The following B3GALT1 variants were observed in gnomAD, a reference collection of about 807,000 sequenced individuals.
B3GALT1 encodes the protein beta-1,3-galactosyltransferase 1.
Under a neutral mutation model 23.2 loss-of-function variants are expected in B3GALT1, and 10 were observed. The ratio of observed to expected loss-of-function variants is 0.43; its 90% confidence interval spans 0.27 to 0.73. B3GALT1 has a LOEUF of 0.73. Ranked by LOEUF, B3GALT1 falls within the 30% of genes least tolerant of loss-of-function variation. The pLI is 0.21. For missense variants in B3GALT1, 299 were observed against 405.4 expected (o/e 0.74, Z 2.25); for synonymous variants, 156 against 141.5 (o/e 1.10, Z -0.73).
chr2:167,783,319 G>A (rs568595844), intron 3 of B3GALT1, among the ~76,000 whole-genome samples: 3 of 152,038 alleles, frequency 2.0e-5, no homozygotes, highest in Non-Finnish European at 4.4e-5. Context: ...GTTTATCTTC[G>A]TGTTAACTAC....
chr2:167,766,119 A>G (rs1445423204), intron 3 of B3GALT1, among the ~76,000 whole-genome samples: 1 of 152,196 alleles, frequency 6.6e-6, no homozygotes, highest in Non-Finnish European at 1.5e-5. Context: ...TTTTCCAACT[A>G]CTTGGTTTTG....
chr2:167,676,714 A>T (rs1258621085), intron 3 of B3GALT1, among the ~76,000 whole-genome samples: 1 of 151,628 alleles, frequency 6.6e-6, no homozygotes, highest in Non-Finnish European at 1.5e-5. Flanking sequence ...GGCGCCCACC[A>T]CCAGTAGAGA....
chr2:167,501,613 T>C (rs916169849), intron 2 of B3GALT1, among the ~76,000 whole-genome samples: 1 of 151,524 alleles, frequency 6.6e-6, no homozygotes, highest in Non-Finnish European at 1.5e-5. Flanking sequence ...ATTAGACTTC[T>C]AGTTGTAATG....
At chr2:167,835,807 C>G (rs1031797172) in intron 4 of B3GALT1, among the ~76,000 whole-genome samples, 7 of 152,332 alleles carry the variant, frequency 4.6e-5, no homozygotes, top group African/African-American at 1.4e-4. Context: ...CCTCACACAG[C>G]CGGGTACTCC....
At chr2:167,614,335 G>C (rs1024889879) in intron 2 of B3GALT1, among the ~76,000 whole-genome samples, 1 of 149,756 alleles carries the variant, frequency 6.7e-6, no homozygotes, top group African/African-American at 2.5e-5. Context: ...AACCTAGGAA[G>C]ATACTTAAAA....
chr2:167,662,130 A>G (rs1368530420), intron 3 of B3GALT1, among the ~76,000 whole-genome samples: 1 of 152,052 alleles, frequency 6.6e-6, no homozygotes, highest in Non-Finnish European at 1.5e-5. Context: ...ACAAAGAGAA[A>G]CAACAAATTC....
intron 2 of B3GALT1, among the ~76,000 whole-genome samples, chr2:167,546,100 T>C (rs925605614): frequency 6.6e-6 from 1 of 152,090 alleles, no homozygotes; most frequent in Non-Finnish European, 1.5e-5. Flanking sequence ...CATTTTGAAT[T>C]TTGGAGTTTG....
In B3GALT1 at chr2:167,501,672, TC is replaced by T. The variant is rs1183204457; in HGVS notation, c.-410+11397del. ...TTTCCAAATTTTGAAAACTTTTTGC[TC>T]CTAAAAGCAGTTCTCAGAAATGTTA... On this transcript the variant is annotated intron_variant, in intron 2 of 4. Transcript: ENST00000392690. Among the ~76,000 whole-genome samples the T allele has an allele frequency of 5.2e-5, 7 of 134,744 alleles. No individual in the cohort carries two copies. The Admixed American group carries it at 5.7e-4, about 11-fold the overall frequency. 88.4% of individuals were successfully genotyped at this position (134,744 alleles called of 152,430 possible). A position where few individuals can be genotyped will look rare whatever the true frequency, so the allele number is the denominator to read the frequency against.
At chr2:167,713,687 T>C in intron 3 of B3GALT1, 8 of 1,467,370 alleles carry the variant, frequency 5.5e-6, no homozygotes, top group Non-Finnish European at 5.7e-6. Context: ...GGATGTTCAG[T>C]AGCAGGCTCC....
intron 3 of B3GALT1, among the ~76,000 whole-genome samples, chr2:167,806,718 A>G (rs1688763575): frequency 6.6e-6 from 1 of 152,162 alleles, no homozygotes; most frequent in Non-Finnish European, 1.5e-5. Context: ...TTTGGTTGCC[A>G]GTATTTTATT....
intron 1 of B3GALT1, among the ~76,000 whole-genome samples, chr2:167,330,793 C>T (rs1355963395): frequency 6.6e-6 from 1 of 151,990 alleles, no homozygotes; most frequent in Non-Finnish European, 1.5e-5. Flanking sequence ...TCATTGAGCT[C>T]CTTTAGATCA....
At chr2:167,422,300 A>ATGT (rs1420951266) in intron 1 of B3GALT1, among the ~76,000 whole-genome samples, 1 of 152,000 alleles carries the variant, frequency 6.6e-6, no homozygotes, top group Non-Finnish European at 1.5e-5. Context: ...GCAGCCTGCA[A>ATGT]GCCAAGAACA....
At chr2:167,552,574 ATGTTAT>A (rs374428282) in intron 2 of B3GALT1, among the ~76,000 whole-genome samples, 186 of 152,286 alleles carry the variant, frequency 1.2e-3, no homozygotes, top group South Asian at 8.5e-3. Context: ...GTGTAGGTAT[ATGTTAT>A]TGTTATTGTT....
intron 3 of B3GALT1, among the ~76,000 whole-genome samples, chr2:167,710,403 C>G (rs1687030109): frequency 6.6e-6 from 1 of 152,172 alleles, no homozygotes; most frequent in Non-Finnish European, 1.5e-5. Flanking sequence ...TTTCATTTTA[C>G]AGACGAGGAA....
At chr2:167,347,638 G>A (rs978198321) in intron 1 of B3GALT1, among the ~76,000 whole-genome samples, 1 of 152,154 alleles carries the variant, frequency 6.6e-6, no homozygotes, top group Non-Finnish European at 1.5e-5. Context: ...ATACCTGAAA[G>A]TGACTTGACA....
intron 2 of B3GALT1, among the ~76,000 whole-genome samples, chr2:167,622,491 T>C (rs1490203722): frequency 1.3e-5 from 2 of 152,108 alleles, no homozygotes; most frequent in Non-Finnish European, 2.9e-5. Flanking sequence ...AATGACCGAA[T>C]TAACCAACCT....
At chr2:167,547,349 CA>C (rs951611525) in intron 2 of B3GALT1, among the ~76,000 whole-genome samples, 4 of 152,160 alleles carry the variant, frequency 2.6e-5, no homozygotes, top group African/African-American at 9.6e-5. Context: ...GGGATACCAA[CA>C]AAAAAATTAC....
At chr2:167,802,298 C>T (rs958387922) in intron 3 of B3GALT1, among the ~76,000 whole-genome samples, 3 of 152,192 alleles carry the variant, frequency 2.0e-5, no homozygotes, top group African/African-American at 7.2e-5. Context: ...ACATTCTCAG[C>T]ATCTGAACTT....
At chr2:167,608,930 C>T (rs779503931) in intron 2 of B3GALT1, among the ~76,000 whole-genome samples, 1 of 152,134 alleles carries the variant, frequency 6.6e-6, no homozygotes, top group Non-Finnish European at 1.5e-5. Context: ...GATTTGGTCT[C>T]ATCTGCCTTG....
Sources: allele counts gnomAD v4.1 joint callset (sites outside exome capture counted in the v4.1 genomes callset), GRCh38; gene constraint gnomAD v4.1.1; transcripts MANE v1.5; gene names NCBI Gene and HGNC (gene_info 2026-07-23, HGNC 2026-07-21).